ROBO2: variants seen among roughly 807,000 people sequenced by gnomAD.
ROBO2 encodes the protein roundabout guidance receptor 2, also known as roundabout homolog 2.
A neutral mutation model predicts 160.8 loss-of-function variants in ROBO2; 53 were observed. The ratio of observed to expected loss-of-function variants is 0.33; its 90% CI spans 0.26 to 0.41. The LOEUF is 0.41. Ranked by LOEUF, ROBO2 falls within the 10% of genes least tolerant of loss-of-function variation. The probability of loss-of-function intolerance (pLI) is 1.00; values close to 1 mark genes in which losing one functional copy is unlikely to be tolerated. For missense variants in ROBO2, 1,577 were observed against 1,722.4 expected, an observed-to-expected ratio of 0.92 and a Z score of 1.49; for synonymous variants, 664 against 611.7, an observed-to-expected ratio of 1.09 and a Z score of -1.26.
chr3:76,233,616 G>A (rs1481366980), intron 2 of ROBO2, among the ~76,000 whole-genome samples: 1 of 152,132 alleles, frequency 6.6e-6, no homozygotes, highest in Non-Finnish European at 1.5e-5. Flanking sequence ...ATTTCCTCCA[G>A]TTATGTCTTA....
At chr3:77,223,414 A>AT (rs1393883518) in intron 2 of ROBO2, among the ~76,000 whole-genome samples, 1 of 152,130 alleles carries the variant, frequency 6.6e-6, no homozygotes, top group East Asian at 1.9e-4. Flanking sequence ...AACAGGCGCA[A>AT]TAAACATTTT....
chr3:77,627,345 T>C (rs183816014), intron 23 of ROBO2, among the ~76,000 whole-genome samples: 49 of 152,324 alleles, frequency 3.2e-4, no homozygotes, highest in African/African-American at 1.1e-3. Flanking sequence ...AGTGGCACTA[T>C]CTCTGTTCAC....
intron 2 of ROBO2, among the ~76,000 whole-genome samples, chr3:76,471,200 T>C (rs186906965): frequency 2.0e-5 from 3 of 152,238 alleles, no homozygotes; most frequent in African/African-American, 7.2e-5. Flanking sequence ...TATTAGCCAA[T>C]TTTATATGAA....
At chr3:76,986,273 C>A (rs1412422097) in intron 2 of ROBO2, among the ~76,000 whole-genome samples, 1 of 152,076 alleles carries the variant, frequency 6.6e-6, no homozygotes, top group Non-Finnish European at 1.5e-5. Flanking sequence ...GAATATTTAT[C>A]TTTAGGGCTG....
At chr3:76,922,985 CAAG>C (rs1310133136) in intron 2 of ROBO2, among the ~76,000 whole-genome samples, 1 of 152,184 alleles carries the variant, frequency 6.6e-6, no homozygotes, top group Non-Finnish European at 1.5e-5. Flanking sequence ...TATCCGCTCT[CAAG>C]AGAACTCAGT....
intron 2 of ROBO2, among the ~76,000 whole-genome samples, chr3:76,260,233 T>A (rs1177639401): frequency 6.6e-6 from 1 of 152,132 alleles, no homozygotes; most frequent in Non-Finnish European, 1.5e-5. Flanking sequence ...TCTAGAGAGA[T>A]GCAGTCACTT....
In ROBO2 at chr3:76,808,225, T is replaced by G. The variant is rs139501310; in HGVS notation, c.110-289789T>G. ...AGCTGCACTGGACTTACTCCAACGATGCACTGCAAATAACACAGGACCCCT... is the reference window on the plus strand; with the variant it reads ...AGCTGCACTGGACTTACTCCAACGAGGCACTGCAAATAACACAGGACCCCT... On this transcript the variant is annotated intron_variant, in intron 2 of 26. Coordinates refer to the ROBO2 transcript ENST00000487694. 1.9e-3 allele frequency among the ~76,000 whole-genome samples: 292 copies of G among 152,256 alleles called. 1 individual carries two copies. Among genetic ancestry groups the G allele is most frequent in the African/African-American group, 6.8e-3 (283 of 41,574 alleles).
At chr3:75,986,878 C>T (rs1282563281) in intron 2 of ROBO2, among the ~76,000 whole-genome samples, 1 of 151,514 alleles carries the variant, frequency 6.6e-6, no homozygotes, top group African/African-American at 2.4e-5. Flanking sequence ...ATCATTTCAC[C>T]ATACATGTGA....
At chr3:77,196,125 G>A (rs888438694) in intron 2 of ROBO2, among the ~76,000 whole-genome samples, 5 of 152,196 alleles carry the variant, frequency 3.3e-5, no homozygotes, top group Admixed American at 1.3e-4. Flanking sequence ...TGCTGGGAGA[G>A]CAGCAGTAGA....
At chr3:76,066,202 A>G (rs951370356) in intron 2 of ROBO2, among the ~76,000 whole-genome samples, 1 of 152,128 alleles carries the variant, frequency 6.6e-6, no homozygotes, top group Non-Finnish European at 1.5e-5. Flanking sequence ...ATCATATCAC[A>G]CAATAAATAG....
At chr3:77,636,023 C>T (rs1353074162) in intron 24 of ROBO2, among the ~76,000 whole-genome samples, 2 of 152,096 alleles carry the variant, frequency 1.3e-5, no homozygotes, top group Admixed American at 6.5e-5. Flanking sequence ...GGACAAGGTT[C>T]TCTCTGGGGT....
At chr3:76,261,205 T>C (rs138499055) in intron 2 of ROBO2, among the ~76,000 whole-genome samples, 1 of 137,252 alleles carries the variant, frequency 7.3e-6, no homozygotes, top group African/African-American at 2.7e-5. Flanking sequence ...TGTGTGTGTA[T>C]ATATATATAT....
At chr3:76,184,448 T>C (rs1215421581) in intron 2 of ROBO2, among the ~76,000 whole-genome samples, 7 of 152,048 alleles carry the variant, frequency 4.6e-5, no homozygotes, top group Non-Finnish European at 8.8e-5. Context: ...CCTGGGGAAA[T>C]TGACTTCAAG....
chr3:76,317,623 G>C (rs1240816886), intron 2 of ROBO2, among the ~76,000 whole-genome samples: 1 of 152,084 alleles, frequency 6.6e-6, no homozygotes, highest in East Asian at 1.9e-4. Context: ...ATCTCCATCT[G>C]TATGCAATAA....
intron 2 of ROBO2, among the ~76,000 whole-genome samples, chr3:76,487,214 A>T (rs1191881930): frequency 6.6e-6 from 1 of 151,320 alleles, no homozygotes. Flanking sequence ...TCCTGACCTC[A>T]AGCGATTCTC....
At chr3:77,308,666 A>G (rs1439426910) in intron 2 of ROBO2, among the ~76,000 whole-genome samples, 2 of 152,338 alleles carry the variant, frequency 1.3e-5, no homozygotes, top group East Asian at 3.9e-4. Context: ...GCCACTTATC[A>G]TCTTCAGTGA....
At chr3:75,942,004 C>T (rs933591033) in intron 2 of ROBO2, among the ~76,000 whole-genome samples, 1 of 152,138 alleles carries the variant, frequency 6.6e-6, no homozygotes, top group Non-Finnish European at 1.5e-5. Flanking sequence ...CGGTTCCTTA[C>T]AATCGTTTCC....
At chr3:76,365,525 A>C (rs901697209) in intron 2 of ROBO2, among the ~76,000 whole-genome samples, 1 of 152,064 alleles carries the variant, frequency 6.6e-6, no homozygotes, top group Non-Finnish European at 1.5e-5. Flanking sequence ...CTAGATGAAT[A>C]GCAATTTAGA....
intron 2 of ROBO2, among the ~76,000 whole-genome samples, chr3:76,573,074 T>A (rs1421812344): frequency 6.6e-6 from 1 of 152,134 alleles, no homozygotes; most frequent in Admixed American, 6.6e-5. Flanking sequence ...TTAATTTTAA[T>A]TAGTTAGTTT....
Sources: gnomAD v4.1 joint callset for allele counts (sites outside exome capture counted in the v4.1 genomes callset) on GRCh38, gnomAD v4.1.1 for gene constraint, MANE v1.5 for transcripts, NCBI Gene and HGNC (gene_info 2026-07-23, HGNC 2026-07-21) for gene names.